Variants in PTPRD observed in about 807,000 individuals in gnomAD.
PTPRD encodes the protein receptor-type tyrosine-protein phosphatase delta.
Under a neutral mutation model 214.5 loss-of-function variants are expected in PTPRD, and 34 were observed. That is an observed-to-expected ratio of 0.16 (90% CI 0.12 to 0.21). The LOEUF (loss-of-function observed/expected upper bound fraction) is 0.21, where lower values mean the gene tolerates loss of function less well. Ranked by LOEUF, PTPRD falls within the 10% of genes least tolerant of loss-of-function variation. The pLI is 1.00. For synonymous variants in PTPRD, 1,128 were observed against 845.7 expected (o/e 1.33, Z -5.79); for missense variants, 2,545 against 2,398.7 (o/e 1.06, Z -1.27).
At chr9:8,709,475 A>C (rs1462536420) in intron 12 of PTPRD, among the ~76,000 whole-genome samples, 3 of 148,764 alleles carry the variant, frequency 2.0e-5, no homozygotes, top group Non-Finnish European at 3.0e-5. Flanking sequence ...AGATCACATC[A>C]CTGCACTCCA....
intron 10 of PTPRD, among the ~76,000 whole-genome samples, chr9:9,097,402 C>CTTTTTT: frequency 7.0e-6 from 1 of 143,468 alleles, no homozygotes; most frequent in Non-Finnish European, 1.5e-5. Context: ...CACCATGGCT[C>CTTTTTT]TTTTTTTTTT....
intron 35 of PTPRD, among the ~76,000 whole-genome samples, chr9:8,424,421 T>A (rs2094535964): frequency 1.3e-5 from 2 of 152,156 alleles, no homozygotes; most frequent in Non-Finnish European, 2.9e-5. Context: ...TGGTTCAACA[T>A]ACCTTCTGTA....
chr9:9,523,859 A>T lies in PTPRD; in HGVS notation c.-237+50873T>A, dbSNP rs73407006. Among the ~76,000 whole-genome samples the T allele has an allele frequency of 2.0e-3, 299 of 152,172 alleles. 1 individual carries two copies. The highest frequency in any genetic ancestry group is 6.4e-3 in the African/African-American group (267 of 41,514). On this transcript the variant is annotated intron_variant, in intron 8 of 45. Transcript: ENST00000381196. The stretch of plus-strand genomic sequence containing the variant: ...TGGCATTAGCTACTTTTGCCGGCCC[A>T]TTACCCCGTGTCCTTTCTTTTGTAA...
intron 11 of PTPRD, among the ~76,000 whole-genome samples, chr9:8,735,270 A>C: frequency 6.6e-6 from 1 of 151,408 alleles, no homozygotes; most frequent in South Asian, 2.1e-4. Flanking sequence ...CAGCCACCCA[A>C]GTAGCTGAGA....
At chr9:9,109,763 T>C (rs2099803484) in intron 10 of PTPRD, among the ~76,000 whole-genome samples, 1 of 152,062 alleles carries the variant, frequency 6.6e-6, no homozygotes, top group Admixed American at 6.6e-5. Flanking sequence ...TGAAATAGAG[T>C]TGTTTAATAT....
At chr9:10,371,045 AGC>A (rs2097602973) in intron 2 of PTPRD, among the ~76,000 whole-genome samples, 1 of 152,184 alleles carries the variant, frequency 6.6e-6, no homozygotes, top group South Asian at 2.1e-4. Flanking sequence ...TATAATGAAA[AGC>A]ATTAGTTTCC....
At chr9:9,668,852 G>C (rs535272119) in intron 7 of PTPRD, among the ~76,000 whole-genome samples, 50 of 152,094 alleles carry the variant, frequency 3.3e-4, no homozygotes, top group African/African-American at 1.2e-3. Context: ...ACAGTATTTT[G>C]GGAAAAACTG....
chr9:9,305,885 A>T (rs899555199), intron 9 of PTPRD, among the ~76,000 whole-genome samples: 1 of 152,090 alleles, frequency 6.6e-6, no homozygotes, highest in African/African-American at 2.4e-5. Flanking sequence ...GGCAGGAAGA[A>T]TTTTTTTCCT....
At chr9:10,538,621 CTCTCA>C (rs1359935922) in intron 2 of PTPRD, among the ~76,000 whole-genome samples, 2 of 151,978 alleles carry the variant, frequency 1.3e-5, no homozygotes, top group Non-Finnish European at 2.9e-5. Flanking sequence ...TGATTCTCCC[CTCTCA>C]TCTCCCTTGC....
chr9:9,942,775 TTTG>T (rs2091820643), intron 4 of PTPRD, among the ~76,000 whole-genome samples: 1 of 152,202 alleles, frequency 6.6e-6, no homozygotes, highest in Admixed American at 6.5e-5. Flanking sequence ...TTCTGTGAAA[TTTG>T]TTAATAGCTT....
chr9:8,443,651 C>T (rs2095623167), intron 34 of PTPRD, among the ~76,000 whole-genome samples: 1 of 152,106 alleles, frequency 6.6e-6, no homozygotes, highest in Non-Finnish European at 1.5e-5. Flanking sequence ...CAAGCATAAA[C>T]ACTATAGTTT....
At chr9:9,008,205 T>TTTTATTTA (rs71317392) in intron 11 of PTPRD, among the ~76,000 whole-genome samples, 8,247 of 121,030 alleles carry the variant, frequency 0.068, 382 homozygotes, top group Non-Finnish European at 0.08. Context: ...CTCCCCTTCA[T>TTTTATTTA]TTTATTTATT....
rs78046619 is a variant in PTPRD at position 9,112,804 on chromosome 9, G to C, written c.-143+70500C>G. On this transcript the variant is annotated intron_variant, in intron 10 of 45. Coordinates refer to ENST00000381196, the MANE Select transcript of PTPRD (RefSeq NM_002839.4). ...CTATTTCCAATGAGATAACATAAAA[G>C]CAGATAAAATTCATGGGACCATAGC... 8.0e-3 allele frequency among the ~76,000 whole-genome samples: 1,216 copies of C among 152,192 alleles called. 7 individuals carry two copies. The highest frequency in any genetic ancestry group is 0.015 in the Non-Finnish European group (988 of 67,990).
intron 11 of PTPRD, among the ~76,000 whole-genome samples, chr9:8,847,246 C>T (rs1425264093): frequency 6.6e-6 from 1 of 151,582 alleles, no homozygotes; most frequent in Non-Finnish European, 1.5e-5. Flanking sequence ...TTAAAATAAA[C>T]ATAAGCAGTC....
intron 8 of PTPRD, among the ~76,000 whole-genome samples, chr9:9,509,566 G>A (rs1039886454): frequency 6.6e-6 from 1 of 151,400 alleles, no homozygotes; most frequent in Non-Finnish European, 1.5e-5. Context: ...TCCCACATAT[G>A]ATTCCATTTC....
intron 9 of PTPRD, among the ~76,000 whole-genome samples, chr9:9,253,708 T>G (rs1472341512): frequency 6.6e-6 from 1 of 152,122 alleles, no homozygotes; most frequent in Non-Finnish European, 1.5e-5. Context: ...CTCTTTCCTT[T>G]GGGTGAAATA....
At chr9:9,885,927 G>A (rs1434697931) in intron 5 of PTPRD, among the ~76,000 whole-genome samples, 2 of 151,692 alleles carry the variant, frequency 1.3e-5, no homozygotes, top group Admixed American at 6.6e-5. Context: ...ATCTGTGAGT[G>A]TAGATTTTGT....
At chr9:9,752,479 G>T (rs112191628) in intron 6 of PTPRD, among the ~76,000 whole-genome samples, 1 of 151,994 alleles carries the variant, frequency 6.6e-6, no homozygotes. Flanking sequence ...TGGAATCCTT[G>T]TGTACTAGTT....
intron 4 of PTPRD, among the ~76,000 whole-genome samples, chr9:10,021,326 T>G (rs1322260669): frequency 6.7e-5 from 1 of 15,024 alleles, no homozygotes; most frequent in Admixed American, 3.6e-4. Flanking sequence ...AGAGAATCAC[T>G]TTCCCTTTCA....
Sources: allele counts gnomAD v4.1 joint callset (sites outside exome capture counted in the v4.1 genomes callset), GRCh38; gene constraint gnomAD v4.1.1; transcripts MANE v1.5; gene names NCBI Gene and HGNC (gene_info 2026-07-23, HGNC 2026-07-21).